PITPNB: variants seen among roughly 807,000 people sequenced by gnomAD.
PITPNB encodes the protein phosphatidylinositol transfer protein beta.
In PITPNB, 16 loss-of-function variants were observed where a neutral mutation model predicts 45.9. The ratio of observed to expected loss-of-function variants is 0.35; its 90% CI spans 0.24 to 0.53. The LOEUF is 0.53. Ranked by LOEUF, PITPNB falls within the 20% of genes least tolerant of loss-of-function variation. The pLI, the probability that PITPNB is intolerant of heterozygous loss-of-function variation, is 0.93. For synonymous variants in PITPNB, 112 were observed against 108.9 expected, an observed-to-expected ratio of 1.03 and a Z score of -0.18; for missense variants, 188 against 330.5, an observed-to-expected ratio of 0.57 and a Z score of 3.34.
At chr22:27,911,241 G>A in intron 2 of PITPNB, 132 bp from the exon 3 acceptor site, 1 of 574,268 alleles carries the variant, frequency 1.7e-6, no homozygotes, top group Non-Finnish European at 3.1e-6. Flanking sequence ...TGTTCAATAT[G>A]AAAACACAAC....
At chr22:27,904,059 G>C (rs1363747050) in intron 3 of PITPNB, among the ~76,000 whole-genome samples, 5 of 152,132 alleles carry the variant, frequency 3.3e-5, no homozygotes, top group African/African-American at 1.2e-4. Flanking sequence ...TCGGGAAGCT[G>C]ATTGACAGTT....
At chr22:27,917,928 C>A (rs1601437652) in intron 1 of PITPNB, among the ~76,000 whole-genome samples, 2 of 152,290 alleles carry the variant, frequency 1.3e-5, no homozygotes, top group Middle Eastern at 6.8e-3. Flanking sequence ...AAGGTGACGT[C>A]TGAGCAAAGA....
intron 10 of PITPNB, among the ~76,000 whole-genome samples, chr22:27,855,867 G>T (rs1601371713): frequency 6.6e-6 from 1 of 152,186 alleles, no homozygotes; most frequent in East Asian, 1.9e-4. Flanking sequence ...GGTGTCAGGG[G>T]TCAGGACCTC....
At chr22:27,902,213 C>A (rs866057082) in intron 3 of PITPNB, among the ~76,000 whole-genome samples, 1 of 151,920 alleles carries the variant, frequency 6.6e-6, no homozygotes, top group Non-Finnish European at 1.5e-5. Flanking sequence ...TCCAAGGGTA[C>A]GGAGGCAGGG....
chr22:27,852,993 C>T lies in PITPNB; in HGVS notation c.*709G>A, dbSNP rs1934067963. 1 of 152,438 alleles carries T rather than the reference C, an allele frequency of 6.6e-6. No homozygotes were observed. The highest frequency in any genetic ancestry group is 2.4e-5 in the African/African-American group (1 of 41,380). The allele number at this position is 152,438 out of a possible 1,614,324, so 9.4% of individuals were successfully genotyped here. ...AAAAGGATTTTTCCCTCAGGGCAAA[C>T]AAGTAAAAACTGGCCTGTAACTTTG... On this transcript the variant is annotated 3_prime_UTR_variant, in exon 12 of 12. Coordinates refer to ENST00000335272, the MANE Select transcript of PITPNB (RefSeq NM_012399.5).
At chr22:27,898,096 C>T in intron 3 of PITPNB, 1 of 516,024 alleles carries the variant, frequency 1.9e-6, no homozygotes, top group South Asian at 2.1e-5. Flanking sequence ...GAATATTTAG[C>T]TGGGTATGGT....
At chr22:27,853,935 A>ATT (rs35748712) in intron 11 of PITPNB, among the ~76,000 whole-genome samples, 367 of 149,126 alleles carry the variant, frequency 2.5e-3, no homozygotes, top group African/African-American at 6.4e-3. Flanking sequence ...AATAACTTAA[A>ATT]TTTTTTTTTT....
chr22:27,912,104 A>C (rs1370021007), intron 2 of PITPNB, among the ~76,000 whole-genome samples: 1 of 152,248 alleles, frequency 6.6e-6, no homozygotes, highest in African/African-American at 2.4e-5. Context: ...ATTTTCAAAG[A>C]AAAACTACAA....
intron 1 of PITPNB, among the ~76,000 whole-genome samples, chr22:27,916,890 G>A (rs1936094138): frequency 6.6e-6 from 1 of 152,142 alleles, no homozygotes; most frequent in Non-Finnish European, 1.5e-5. Context: ...ATAGGAATAA[G>A]CTATTCATTG....
intron 7 of PITPNB, among the ~76,000 whole-genome samples, chr22:27,885,305 A>T (rs769383683): frequency 4.7e-5 from 7 of 148,154 alleles, no homozygotes; most frequent in African/African-American, 7.4e-5. Flanking sequence ...AATGTGCTGA[A>T]GATATGCATG....
At chr22:27,883,393 C>A (rs2030191145) in intron 7 of PITPNB, among the ~76,000 whole-genome samples, 2 of 152,280 alleles carry the variant, frequency 1.3e-5, no homozygotes, top group South Asian at 4.1e-4. Context: ...ATTGTTGGAC[C>A]ATGGCCTCCA....
intron 8 of PITPNB, among the ~76,000 whole-genome samples, chr22:27,873,302 A>G (rs570889158): frequency 6.6e-6 from 1 of 152,274 alleles, no homozygotes; most frequent in East Asian, 1.9e-4. Context: ...GCTTGCCACA[A>G]AAATTGCTCA....
In PITPNB at chr22:27,911,081, G is replaced by C. The variant is rs746056666; in HGVS notation, c.80C>G (p.Ala27Gly). 1.2e-6 allele frequency: 2 copies of C among 1,612,686 alleles called. No individual in the cohort carries two copies. The highest frequency in any genetic ancestry group is 1.7e-6 in the Non-Finnish European group (2 of 1,178,830). Residue 27 changes from alanine to glycine, a missense_variant, in exon 3 of 12, where the codon GCA becomes GGA. Ala to Gly is a moderately conservative substitution (Grantham distance 60, BLOSUM62 0). Coordinates refer to ENST00000335272, the MANE Select transcript of PITPNB (RefSeq NM_012399.5). The stretch of plus-strand genomic sequence containing the variant: ...ACCAGTCTCATTCTTACTAGCTTCT[G>C]CAACAGAGTAAAGCTGCCCAACCTG... Reference protein sequence around the residue: ...EYQVGQLYSVAEASKNETGGG... With the variant: ...EYQVGQLYSVGEASKNETGGG...
chr22:27,872,919 T>C (rs1934710009), intron 8 of PITPNB, among the ~76,000 whole-genome samples: 2 of 152,372 alleles, frequency 1.3e-5, no homozygotes, highest in East Asian at 1.9e-4. Flanking sequence ...ATTTAAATTA[T>C]TACCTTGACA....
chr22:27,869,015 T>C (rs542619532), intron 8 of PITPNB, among the ~76,000 whole-genome samples: 5 of 152,068 alleles, frequency 3.3e-5, no homozygotes, highest in Non-Finnish European at 7.4e-5. Context: ...TCTGTTAAAA[T>C]AACAATTCCT....
At chr22:27,909,207 CTTTT>C (rs34224616) in intron 3 of PITPNB, among the ~76,000 whole-genome samples, 10 of 82,242 alleles carry the variant, frequency 1.2e-4, no homozygotes, top group African/African-American at 4.5e-4. Flanking sequence ...ACTGGTAGTA[CTTTT>C]TTTTTTTTTT....
At chr22:27,892,751 A>G (rs1935316219) in intron 7 of PITPNB, among the ~76,000 whole-genome samples, 1 of 152,230 alleles carries the variant, frequency 6.6e-6, no homozygotes, top group African/African-American at 2.4e-5. Context: ...ATAATGTCAA[A>G]GGTGGAAATA....
At chr22:27,917,746 G>T (rs1343996915) in intron 1 of PITPNB, among the ~76,000 whole-genome samples, 1 of 152,110 alleles carries the variant, frequency 6.6e-6, no homozygotes, top group East Asian at 1.9e-4. Context: ...ACAAACTCAT[G>T]GCCCTTACAT....
intron 8 of PITPNB, among the ~76,000 whole-genome samples, chr22:27,867,779 G>A (rs5762392): frequency 6.6e-6 from 1 of 152,252 alleles, no homozygotes; most frequent in Non-Finnish European, 1.5e-5. Context: ...ACATTCATTC[G>A]TCTGTGCCTG....
Sources: gnomAD v4.1 joint callset for allele counts (sites outside exome capture counted in the v4.1 genomes callset) on GRCh38, gnomAD v4.1.1 for gene constraint, MANE v1.5 for transcripts, NCBI Gene and HGNC (gene_info 2026-07-23, HGNC 2026-07-21) for gene names.